Variants in CYP7B1 observed in about 807,000 individuals in gnomAD.
CYP7B1 encodes cytochrome P450 7B1.
Under a neutral mutation model 42.7 loss-of-function variants are expected in CYP7B1, and 29 were observed. The observed-to-expected ratio is 0.68, with a 90% CI of 0.51 to 0.93. The LOEUF is 0.93. CYP7B1 is among the 40% of genes least tolerant of loss of function. The probability of loss-of-function intolerance (pLI) is 0.00; values close to 1 mark genes in which losing one functional copy is unlikely to be tolerated. For missense variants in CYP7B1, 655 were observed against 600.5 expected (o/e 1.09, Z -0.95); for synonymous variants, 235 against 218.2 (o/e 1.08, Z -0.68).
chr8:64,603,561 T>C (rs1805232678), intron 5 of CYP7B1, among the ~76,000 whole-genome samples: 1 of 152,258 alleles, frequency 6.6e-6, no homozygotes, highest in African/African-American at 2.4e-5. Context: ...TTTGCCCTGT[T>C]TATTGAATAT....
intron 1 of CYP7B1, among the ~76,000 whole-genome samples, chr8:64,661,808 A>T (rs771177059): frequency 4.3e-4 from 66 of 152,170 alleles, no homozygotes; most frequent in Admixed American, 5.2e-4. Flanking sequence ...CGGAATGTGG[A>T]CCTCACTGCT....
intron 5 of CYP7B1, among the ~76,000 whole-genome samples, chr8:64,601,235 A>G (rs1805198458): frequency 2.6e-5 from 4 of 152,210 alleles, no homozygotes; most frequent in Non-Finnish European, 5.9e-5. Context: ...GCAGAATTGC[A>G]TTAGATTAAA....
intron 1 of CYP7B1, among the ~76,000 whole-genome samples, chr8:64,688,594 A>G (rs1174072727): frequency 6.6e-6 from 1 of 152,158 alleles, no homozygotes; most frequent in Non-Finnish European, 1.5e-5. Flanking sequence ...AGTGCAAGTT[A>G]TTTGGGTTCT....
In CYP7B1 at chr8:64,691,252, G is replaced by A. The variant is rs184661889; in HGVS notation, c.123-66713C>T. Among the ~76,000 whole-genome samples, 8 of 152,258 alleles carry A rather than the reference G, an allele frequency of 5.3e-5. No individual in the cohort carries two copies. The East Asian group carries it at 1.5e-3, about 29-fold the overall frequency. On this transcript the variant is annotated intron_variant, in intron 1 of 5. Coordinates refer to ENST00000310193, the MANE Select transcript of CYP7B1 (RefSeq NM_004820.5). ...CAGAAATTCAACCATTAAATAGGTAGTACAGTTTAGGGACGTTAAGCAGGC... is the reference window on the plus strand; with the variant it reads ...CAGAAATTCAACCATTAAATAGGTAATACAGTTTAGGGACGTTAAGCAGGC...
chr8:64,746,696 G>T (rs1194294563), intron 1 of CYP7B1, among the ~76,000 whole-genome samples: 1 of 151,982 alleles, frequency 6.6e-6, no homozygotes, highest in Non-Finnish European at 1.5e-5. Flanking sequence ...TGTTATAATT[G>T]TTATAATAGA....
chr8:64,778,372 A>C (rs1804362376), intron 1 of CYP7B1, among the ~76,000 whole-genome samples: 1 of 151,962 alleles, frequency 6.6e-6, no homozygotes, highest in Non-Finnish European at 1.5e-5. Flanking sequence ...TTCTTTGCCC[A>C]TGTGAAAAAG....
chr8:64,784,473 C>T (rs915981721), intron 1 of CYP7B1, among the ~76,000 whole-genome samples: 1 of 152,066 alleles, frequency 6.6e-6, no homozygotes, highest in Admixed American at 6.6e-5. Flanking sequence ...GGTAACAACT[C>T]AACAGTAGAA....
In CYP7B1 at chr8:64,768,207, G is replaced by A. The variant is rs530131723; in HGVS notation, c.122+30259C>T. Among the ~76,000 whole-genome samples the A allele has an allele frequency of 2.0e-5, 3 of 152,258 alleles. No individual in the cohort carries two copies. The South Asian group carries it at 6.2e-4, about 32-fold the overall frequency. Reference sequence around the variant, plus strand: ...AAATTAGGCTAAAGCAGGAGGTAAAGAAATACTCAAATCATATATCACCTG... The same window carrying A: ...AAATTAGGCTAAAGCAGGAGGTAAAAAAATACTCAAATCATATATCACCTG... On this transcript the variant is annotated intron_variant, in intron 1 of 5. Transcript: ENST00000310193.
chr8:64,686,267 G>T (rs1449441851), intron 1 of CYP7B1, among the ~76,000 whole-genome samples: 11 of 49,956 alleles, frequency 2.2e-4, no homozygotes, highest in African/African-American at 4.7e-4. Flanking sequence ...CGCCCCGTCC[G>T]GGAGGGAGGT....
chr8:64,609,526 C>T (rs1276445328), intron 4 of CYP7B1, among the ~76,000 whole-genome samples: 1 of 152,154 alleles, frequency 6.6e-6, no homozygotes, highest in Non-Finnish European at 1.5e-5. Context: ...ATGCCATTTT[C>T]TAATTGTGTA....
At chr8:64,742,770 G>A (rs1173331950) in intron 1 of CYP7B1, among the ~76,000 whole-genome samples, 1 of 152,096 alleles carries the variant, frequency 6.6e-6, no homozygotes, top group Non-Finnish European at 1.5e-5. Context: ...CTTTTATTAT[G>A]ACACCAGTCA....
intron 1 of CYP7B1, among the ~76,000 whole-genome samples, chr8:64,700,037 G>C (rs968180650): frequency 6.6e-6 from 1 of 152,096 alleles, no homozygotes; most frequent in Non-Finnish European, 1.5e-5. Context: ...GAGATAAATA[G>C]GATAAGTGAC....
In CYP7B1 at chr8:64,766,741, C is replaced by T. The variant is rs183011913; in HGVS notation, c.122+31725G>A. Among the ~76,000 whole-genome samples the T allele has an allele frequency of 8.9e-3, 1,357 of 152,274 alleles. 10 individuals carry two copies. Among genetic ancestry groups the T allele is most frequent in the Middle Eastern group, 0.034 (10 of 294 alleles). On this transcript the variant is annotated intron_variant, in intron 1 of 5. Coordinates refer to ENST00000310193, the MANE Select transcript of CYP7B1 (RefSeq NM_004820.5). ...CTGGAAGGCCCACTGCCCCAGGGAA[C>T]GAAGGTCCTCTGAGTCAGAAGCCAC...
chr8:64,707,823 T>C (rs953202707), intron 1 of CYP7B1, among the ~76,000 whole-genome samples: 2 of 152,082 alleles, frequency 1.3e-5, no homozygotes, highest in African/African-American at 4.8e-5. Flanking sequence ...AAATTATACA[T>C]AGGAAATAAG....
chr8:64,791,490 G>A (rs2129722819), intron 1 of CYP7B1, among the ~76,000 whole-genome samples: 1 of 152,296 alleles, frequency 6.6e-6, no homozygotes, highest in South Asian at 2.1e-4. Context: ...GTCAGCGTAG[G>A]AGAGAGATTT....
At chr8:64,794,031 G>C (rs1244532579) in intron 1 of CYP7B1, among the ~76,000 whole-genome samples, 5 of 152,030 alleles carry the variant, frequency 3.3e-5, no homozygotes, top group Non-Finnish European at 7.4e-5. Flanking sequence ...ATATCAGAAG[G>C]GAGGCAACCC....
chr8:64,750,933 C>A (rs554225736), intron 1 of CYP7B1, among the ~76,000 whole-genome samples: 1 of 152,278 alleles, frequency 6.6e-6, no homozygotes, highest in East Asian at 1.9e-4. Flanking sequence ...TCTTGACCTT[C>A]CCTTTACATC....
chr8:64,766,315 A>G (rs1048281123), intron 1 of CYP7B1, among the ~76,000 whole-genome samples: 2 of 152,162 alleles, frequency 1.3e-5, no homozygotes, highest in Admixed American at 1.3e-4. Context: ...TGAGGAACCA[A>G]ACCTCTCTGT....
At chr8:64,675,811 T>G (rs145879203) in intron 1 of CYP7B1, among the ~76,000 whole-genome samples, 1 of 152,142 alleles carries the variant, frequency 6.6e-6, no homozygotes, top group Non-Finnish European at 1.5e-5. Context: ...TAAGGGTTCA[T>G]ACATTTTTCC....
Sources: gnomAD v4.1 joint callset for allele counts (sites outside exome capture counted in the v4.1 genomes callset) on GRCh38, gnomAD v4.1.1 for gene constraint, MANE v1.5 for transcripts, NCBI Gene and HGNC (gene_info 2026-07-23, HGNC 2026-07-21) for gene names.